Variants in GRIK3 observed in about 807,000 individuals in gnomAD.
GRIK3 encodes the protein glutamate ionotropic receptor kainate type subunit 3, also known as glutamate receptor ionotropic, kainate 3.
In GRIK3, 29 loss-of-function variants were observed where a neutral mutation model predicts 102.5. That is an observed-to-expected ratio of 0.28 (90% CI 0.21 to 0.39). The LOEUF (loss-of-function observed/expected upper bound fraction) is 0.39, where lower values mean the gene tolerates loss of function less well. Ranked by LOEUF, GRIK3 falls within the 10% of genes least tolerant of loss-of-function variation. The pLI, the probability that GRIK3 is intolerant of heterozygous loss-of-function variation, is 1.00. For synonymous variants in GRIK3, 511 were observed against 504.9 expected, an observed-to-expected ratio of 1.01 and a Z score of -0.16; for missense variants, 908 against 1,252.4, an observed-to-expected ratio of 0.73 and a Z score of 4.15.
chr1:36,923,480 G>A (rs1641495341), intron 1 of GRIK3, among the ~76,000 whole-genome samples: 1 of 152,198 alleles, frequency 6.6e-6, no homozygotes, highest in African/African-American at 2.4e-5. Flanking sequence ...TTGCAGTGGG[G>A]GCTTAAGGCA....
Position 36,826,243 on chromosome 1 carries a change from C to T in GRIK3, c.1531-417G>A, listed in dbSNP as rs1316641820. On this transcript the variant is annotated intron_variant, in intron 10 of 15. Coordinates refer to ENST00000373091, the MANE Select transcript of GRIK3 (RefSeq NM_000831.4). ...ACCACAAAGAGGACACAGAATGCAC[C>T]ACAATGCTTATTTAATTCTGCTTTC... 2.0e-5 allele frequency among the ~76,000 whole-genome samples: 3 copies of T among 152,136 alleles called. No individual in the cohort carries two copies. In the East Asian group the frequency reaches 5.8e-4, roughly 29 times the overall value.
At chr1:36,854,962 G>A (rs938793973) in intron 7 of GRIK3, among the ~76,000 whole-genome samples, 5 of 152,164 alleles carry the variant, frequency 3.3e-5, no homozygotes, top group East Asian at 1.9e-4. Context: ...AGGACCCCTC[G>A]GTCTGGACCT....
chr1:36,893,046 C>A (rs1007171985), intron 1 of GRIK3, among the ~76,000 whole-genome samples: 2 of 151,972 alleles, frequency 1.3e-5, no homozygotes, highest in Non-Finnish European at 2.9e-5. Flanking sequence ...AGATTAATGG[C>A]AAATGGGTAA....
At chr1:36,830,364 C>A (rs974915964) in intron 10 of GRIK3, among the ~76,000 whole-genome samples, 1 of 149,138 alleles carries the variant, frequency 6.7e-6, no homozygotes, top group Non-Finnish European at 1.5e-5. Flanking sequence ...TTATGCCCCC[C>A]CACCCCCAAT....
At chr1:36,953,895 A>G (rs1489476077) in intron 1 of GRIK3, among the ~76,000 whole-genome samples, 1 of 152,036 alleles carries the variant, frequency 6.6e-6, no homozygotes, top group Non-Finnish European at 1.5e-5. Context: ...CAATGGCTTG[A>G]TTGAGGGAAG....
intron 8 of GRIK3, among the ~76,000 whole-genome samples, chr1:36,852,356 G>C (rs535352356): frequency 1.3e-5 from 2 of 152,336 alleles, no homozygotes; most frequent in South Asian, 2.1e-4. Context: ...GAGGGACAGA[G>C]GTCACATCCT....
chr1:36,877,395 A>T (rs1640922048), intron 3 of GRIK3, among the ~76,000 whole-genome samples: 1 of 152,170 alleles, frequency 6.6e-6, no homozygotes, highest in Admixed American at 6.5e-5. Context: ...TGTCTGGACC[A>T]GTGCAGTCGG....
At chr1:36,874,216 C>T (rs917246865) in intron 3 of GRIK3, among the ~76,000 whole-genome samples, 19 of 152,228 alleles carry the variant, frequency 1.2e-4, no homozygotes, top group African/African-American at 4.3e-4. Context: ...CTCTGGTACA[C>T]ACCCCTGAGT....
intron 1 of GRIK3, among the ~76,000 whole-genome samples, chr1:37,028,186 G>T (rs1642783309): frequency 6.6e-6 from 1 of 152,180 alleles, no homozygotes; most frequent in South Asian, 2.1e-4. Context: ...AGGTCCCTGG[G>T]TGAGGAGGAT....
intron 1 of GRIK3, among the ~76,000 whole-genome samples, chr1:36,902,444 G>A (rs1451956120): frequency 2.0e-5 from 3 of 152,134 alleles, no homozygotes; most frequent in African/African-American, 2.4e-5. Context: ...AAAGTCGACC[G>A]ATCTTTGACA....
chr1:36,857,256 C>G (rs1022165797), intron 7 of GRIK3, among the ~76,000 whole-genome samples: 1 of 152,136 alleles, frequency 6.6e-6, no homozygotes, highest in African/African-American at 2.4e-5. Flanking sequence ...CTCACAGTGG[C>G]CTCACACAGT....
At chr1:37,033,650 G>A (rs949941868) in intron 1 of GRIK3, among the ~76,000 whole-genome samples, 5 of 152,230 alleles carry the variant, frequency 3.3e-5, no homozygotes, top group African/African-American at 1.2e-4. Flanking sequence ...AAGCCCGATC[G>A]CAGAACTCGG....
intron 7 of GRIK3, among the ~76,000 whole-genome samples, chr1:36,857,128 T>C (rs1013841713): frequency 5.3e-5 from 8 of 152,178 alleles, no homozygotes; most frequent in Admixed American, 3.9e-4. Context: ...TCCAAGGTTA[T>C]CCAGTTAAAA....
At chr1:37,022,946 C>T (rs1642730409) in intron 1 of GRIK3, among the ~76,000 whole-genome samples, 2 of 152,112 alleles carry the variant, frequency 1.3e-5, no homozygotes, top group Admixed American at 1.3e-4. Flanking sequence ...TGCTGTGGGA[C>T]TCAGAAGGGG....
chr1:36,912,195 C>T (rs1375732359), intron 1 of GRIK3, among the ~76,000 whole-genome samples: 4 of 152,112 alleles, frequency 2.6e-5, no homozygotes, highest in African/African-American at 4.8e-5. Context: ...ACATGATCCT[C>T]GTCCCCTGAT....
At chr1:36,898,617 T>C (rs1420340536) in intron 1 of GRIK3, among the ~76,000 whole-genome samples, 2 of 152,162 alleles carry the variant, frequency 1.3e-5, no homozygotes, top group Admixed American at 6.6e-5. Flanking sequence ...CCCAAAGTGA[T>C]CTGTAGATTC....
chr1:36,900,050 C>T lies in GRIK3; in HGVS notation c.116-8954G>A, dbSNP rs545211241. ...TCAACAACAGCCTCAGTGAATCAGA[C>T]GTAATGTACATCTATAGACTACTTC... is the stretch of plus-strand genomic sequence containing the variant. On this transcript the variant is annotated intron_variant, in intron 1 of 15. Transcript: ENST00000373091. Among the ~76,000 whole-genome samples, 7 of 152,314 alleles carry T rather than the reference C, an allele frequency of 4.6e-5. No homozygotes were observed. In the East Asian group the frequency reaches 5.8e-4, roughly 13 times the overall value.
intron 1 of GRIK3, among the ~76,000 whole-genome samples, chr1:37,003,944 G>T (rs1027486053): frequency 6.6e-6 from 1 of 152,116 alleles, no homozygotes; most frequent in Non-Finnish European, 1.5e-5. Context: ...GAGGGAGGGG[G>T]CTGGGAATGG....
chr1:36,915,806 C>A (rs1456124996), intron 1 of GRIK3, among the ~76,000 whole-genome samples: 3 of 152,166 alleles, frequency 2.0e-5, no homozygotes, highest in Non-Finnish European at 4.4e-5. Context: ...GTGCATTAAA[C>A]GTCTTTCTTC....
Sources: gnomAD v4.1 joint callset for allele counts (sites outside exome capture counted in the v4.1 genomes callset) on GRCh38, gnomAD v4.1.1 for gene constraint, MANE v1.5 for transcripts, NCBI Gene and HGNC (gene_info 2026-07-23, HGNC 2026-07-21) for gene names.